The following PAMR1 variants were observed in gnomAD, a reference collection of about 807,000 sequenced individuals.
PAMR1 encodes the protein peptidase domain containing associated with muscle regeneration 1.
In PAMR1, 88 loss-of-function variants were observed where a neutral mutation model predicts 81.8. That is an observed-to-expected ratio of 1.08 (90% confidence interval 0.91 to 1.28). The LOEUF (loss-of-function observed/expected upper bound fraction) is 1.28. PAMR1 is among the 50% of genes most tolerant of loss of function. The pLI is 0.00. For missense variants in PAMR1, 935 were observed against 919.7 expected, an observed-to-expected ratio of 1.02 and a Z score of -0.21; for synonymous variants, 336 against 345.3, an observed-to-expected ratio of 0.97 and a Z score of 0.30.
chr11:35,519,764 G>A (rs1851237188), intron 1 of PAMR1, among the ~76,000 whole-genome samples: 1 of 152,174 alleles, frequency 6.6e-6, no homozygotes. Context: ...ATGTTCCAGG[G>A]ATAATCAGAC....
intron 6 of PAMR1, among the ~76,000 whole-genome samples, chr11:35,448,408 C>T (rs1856341107): frequency 6.6e-6 from 1 of 151,862 alleles, no homozygotes; most frequent in Admixed American, 6.6e-5. Flanking sequence ...TTCTGAGATT[C>T]TCTCCTCCAT....
At chr11:35,513,335 T>G (rs759509361) in intron 1 of PAMR1, 14 of 152,196 alleles carry the variant, frequency 9.2e-5, no homozygotes, top group Non-Finnish European at 1.8e-4. Context: ...TATTTATAGA[T>G]GAGAAAACTG....
intron 6 of PAMR1, among the ~76,000 whole-genome samples, chr11:35,458,792 G>A (rs1856588717): frequency 6.6e-6 from 1 of 152,164 alleles, no homozygotes; most frequent in Non-Finnish European, 1.5e-5. Flanking sequence ...TGTTCATCCT[G>A]GAAATCTACT....
chr11:35,447,272 G>A (rs569963062), intron 6 of PAMR1, among the ~76,000 whole-genome samples: 234 of 145,652 alleles, frequency 1.6e-3, no homozygotes, highest in African/African-American at 5.6e-3. Flanking sequence ...GTGCGATCTC[G>A]GCTCACTGCA....
chr11:35,456,653 A>C (rs1171753844), intron 6 of PAMR1, among the ~76,000 whole-genome samples: 1 of 152,214 alleles, frequency 6.6e-6, no homozygotes, highest in African/African-American at 2.4e-5. Flanking sequence ...AGATGAGACA[A>C]TTAGAAGAGA....
At chr11:35,465,906 T>C (rs917725012) in intron 6 of PAMR1, among the ~76,000 whole-genome samples, 3 of 152,246 alleles carry the variant, frequency 2.0e-5, no homozygotes, top group Middle Eastern at 3.2e-3. Context: ...ATGTTTCTTA[T>C]TTTCTTAATG....
intron 1 of PAMR1, among the ~76,000 whole-genome samples, chr11:35,504,760 CTCTT>C (rs1050147378): frequency 7.4e-6 from 1 of 135,364 alleles, no homozygotes; most frequent in Non-Finnish European, 1.6e-5. Context: ...ATTGGGATTC[CTCTT>C]TTTTTTAATT....
chr11:35,519,481 T>A (rs1444442285), intron 1 of PAMR1, among the ~76,000 whole-genome samples: 2 of 152,210 alleles, frequency 1.3e-5, no homozygotes, highest in Non-Finnish European at 2.9e-5. Context: ...CAAACAGACA[T>A]GTGATTTGGA....
chr11:35,486,642 G>A (rs623562), intron 3 of PAMR1, among the ~76,000 whole-genome samples: 32,814 of 152,134 alleles, frequency 0.22, 5,404 homozygotes, highest in African/African-American at 0.45. Context: ...CATAAACAGC[G>A]TCTTACACCA....
chr11:35,473,471 T>A (rs1850226849), intron 4 of PAMR1, among the ~76,000 whole-genome samples: 5 of 152,194 alleles, frequency 3.3e-5, no homozygotes, highest in Admixed American at 3.3e-4. Context: ...CCTACCTTTA[T>A]CATCCCTGCA....
chr11:35,497,113 C>A (rs2135404534), intron 1 of PAMR1, among the ~76,000 whole-genome samples: 1 of 152,196 alleles, frequency 6.6e-6, no homozygotes, highest in South Asian at 2.1e-4. Context: ...TTGCAGTGAG[C>A]CAAGATTGTG....
intron 5 of PAMR1, among the ~76,000 whole-genome samples, chr11:35,468,342 C>T (rs545273696): frequency 9.7e-4 from 147 of 152,280 alleles, no homozygotes; most frequent in African/African-American, 1.9e-3. Context: ...GTATGCTTAA[C>T]GCTCCTATAG....
intron 3 of PAMR1, 54 bp from the exon 4 acceptor site, chr11:35,474,798 A>C (rs1481310582): frequency 3.3e-6 from 4 of 1,211,302 alleles, no homozygotes; most frequent in Non-Finnish European, 4.9e-6. Context: ...TAGGAAAGAG[A>C]CTAGAGAAGG....
At chr11:35,486,810 C>A (rs1435637623) in intron 3 of PAMR1, among the ~76,000 whole-genome samples, 2 of 152,182 alleles carry the variant, frequency 1.3e-5, no homozygotes, top group African/African-American at 4.8e-5. Context: ...AATATTCTTT[C>A]CTTCCTGTCC....
At chr11:35,477,659 T>C (rs532318605) in intron 3 of PAMR1, among the ~76,000 whole-genome samples, 9 of 152,294 alleles carry the variant, frequency 5.9e-5, no homozygotes, top group Admixed American at 5.2e-4. Flanking sequence ...CATGGCAAAC[T>C]CTTAGCAGGA....
At chr11:35,438,777 A>G (rs1856103519) in intron 8 of PAMR1, among the ~76,000 whole-genome samples, 1 of 152,204 alleles carries the variant, frequency 6.6e-6, no homozygotes, top group Non-Finnish European at 1.5e-5. Flanking sequence ...AAAAACAGAA[A>G]CAGACTACAG....
intron 3 of PAMR1, among the ~76,000 whole-genome samples, chr11:35,476,809 T>A (rs1022739177): frequency 8.6e-5 from 13 of 152,036 alleles, no homozygotes; most frequent in Non-Finnish European, 1.9e-4. Flanking sequence ...CCTTGCTGGC[T>A]GCCTAAACCC....
intron 6 of PAMR1, among the ~76,000 whole-genome samples, chr11:35,451,432 T>C (rs1423444951): frequency 6.6e-6 from 1 of 152,260 alleles, no homozygotes. Flanking sequence ...TATTCTTTTA[T>C]AATCTGGCAT....
intron 2 of PAMR1, 54 bp downstream of exon 2, chr11:35,494,042 T>C: frequency 6.3e-6 from 9 of 1,436,638 alleles, no homozygotes; most frequent in Non-Finnish European, 8.8e-6. Context: ...CCTGTTCCTG[T>C]TCATTACCTC....
Sources: allele counts gnomAD v4.1 joint callset (sites outside exome capture counted in the v4.1 genomes callset), GRCh38; gene constraint gnomAD v4.1.1; transcripts MANE v1.5; gene names NCBI Gene and HGNC (gene_info 2026-07-23, HGNC 2026-07-21).